STAG1: variants seen among roughly 807,000 people sequenced by gnomAD.
STAG1 encodes cohesin subunit SA-1.
STAG1 carries 26 observed loss-of-function variants against 170.9 expected under a neutral mutation model. The ratio of observed to expected loss-of-function variants is 0.15; its 90% confidence interval spans 0.11 to 0.21. The LOEUF (loss-of-function observed/expected upper bound fraction) is 0.21, where lower values mean the gene tolerates loss of function less well. Ranked by LOEUF, STAG1 falls within the 10% of genes least tolerant of loss-of-function variation. The pLI, the probability that STAG1 is intolerant of heterozygous loss-of-function variation, is 1.00. For missense variants in STAG1, 964 were observed against 1,509.5 expected (o/e 0.64, Z 5.99); for synonymous variants, 514 against 497.7 (o/e 1.03, Z -0.44).
intron 5 of STAG1, among the ~76,000 whole-genome samples, chr3:136,542,736 T>C (rs1019284934): frequency 2.7e-5 from 4 of 150,066 alleles, no homozygotes. Context: ...AATAAAAAGG[T>C]GATATTAATG....
At chr3:136,749,398 G>A (rs1039586362) in intron 1 of STAG1, among the ~76,000 whole-genome samples, 1 of 152,118 alleles carries the variant, frequency 6.6e-6, no homozygotes, top group Admixed American at 6.6e-5. Context: ...AAGAAGATGG[G>A]GACTTCAGTC....
rs117572858 is a variant in STAG1 at position 136,543,698 on chromosome 3, A to G, written c.395-1503T>C. Reference sequence around the variant, plus strand: ...AGGATTTCTAATCTTTTAAGTGGTGATAATATCACTGCAGAGCAGAGAGCC... The same window carrying G: ...AGGATTTCTAATCTTTTAAGTGGTGGTAATATCACTGCAGAGCAGAGAGCC... On this transcript the variant is annotated intron_variant, in intron 5 of 33. Coordinates refer to ENST00000383202, the MANE Select transcript of STAG1 (RefSeq NM_005862.3). 3.3e-3 allele frequency among the ~76,000 whole-genome samples: 510 copies of G among 152,324 alleles called. 8 individuals are homozygous for G. The East Asian group carries it at 0.047, about 14-fold the overall frequency.
chr3:136,571,610 C>T (rs188599804), intron 4 of STAG1, among the ~76,000 whole-genome samples: 2 of 152,214 alleles, frequency 1.3e-5, no homozygotes, highest in African/African-American at 4.8e-5. Context: ...TGACTTGCAC[C>T]TGTAATTCCA....
At chr3:136,678,850 C>CAAAA (rs559610524) in intron 1 of STAG1, among the ~76,000 whole-genome samples, 7 of 35,288 alleles carry the variant, frequency 2.0e-4, no homozygotes, top group African/African-American at 6.1e-4. Flanking sequence ...CCCATGCTCA[C>CAAAA]AAAAAAAAAA....
At chr3:136,626,684 T>C (rs919604126) in intron 2 of STAG1, among the ~76,000 whole-genome samples, 1 of 152,204 alleles carries the variant, frequency 6.6e-6, no homozygotes, top group African/African-American at 2.4e-5. Context: ...TACTGCTTTT[T>C]CTCCTCACTA....
chr3:136,409,151 C>T (rs1416094529), intron 21 of STAG1, among the ~76,000 whole-genome samples: 1 of 151,980 alleles, frequency 6.6e-6, no homozygotes, highest in African/African-American at 2.4e-5. Flanking sequence ...GTAGTTCCAG[C>T]TACTCGGGAG....
chr3:136,597,489 T>TATG (rs1938482599), intron 4 of STAG1, among the ~76,000 whole-genome samples: 1 of 152,228 alleles, frequency 6.6e-6, no homozygotes, highest in Admixed American at 6.5e-5. Flanking sequence ...AATTACTCAA[T>TATG]ATGATGGGTT....
intron 4 of STAG1, chr3:136,586,841 G>A: frequency 2.2e-6 from 1 of 456,658 alleles, no homozygotes; most frequent in Non-Finnish European, 4.4e-6. Context: ...AATGTAAATA[G>A]AGGGGCCAAA....
intron 22 of STAG1, among the ~76,000 whole-genome samples, chr3:136,392,283 T>C (rs1485479546): frequency 6.6e-6 from 1 of 151,890 alleles, no homozygotes; most frequent in Non-Finnish European, 1.5e-5. Flanking sequence ...TAAACCCAAA[T>C]ATCTAAGAGC....
chr3:136,388,399 C>G (rs1201979085), intron 22 of STAG1, among the ~76,000 whole-genome samples: 1 of 152,116 alleles, frequency 6.6e-6, no homozygotes, highest in East Asian at 1.9e-4. Flanking sequence ...GATGGAGTCT[C>G]GCTCTGTTGC....
intron 7 of STAG1, among the ~76,000 whole-genome samples, chr3:136,518,995 C>A (rs1934522732): frequency 6.6e-6 from 1 of 151,388 alleles, no homozygotes; most frequent in African/African-American, 2.4e-5. Flanking sequence ...TGGAGATAAC[C>A]AAAGGGATAA....
chr3:136,631,027 A>G, intron 1 of STAG1, 46 bp from the exon 2 acceptor site: 1 of 912,592 alleles, frequency 1.1e-6, no homozygotes, highest in South Asian at 1.9e-5. Context: ...AATGAGGATG[A>G]CAAAATTCAT....
chr3:136,347,873 G>T (rs1323730330), intron 29 of STAG1, among the ~76,000 whole-genome samples: 1 of 152,156 alleles, frequency 6.6e-6, no homozygotes, highest in African/African-American at 2.4e-5. Context: ...TTTGATGAAT[G>T]ATTTAAACTT....
intron 20 of STAG1, among the ~76,000 whole-genome samples, chr3:136,418,209 A>C (rs2087829641): frequency 6.6e-6 from 1 of 151,488 alleles, no homozygotes; most frequent in African/African-American, 2.4e-5. Flanking sequence ...CACACAAAAA[A>C]ATTAGCTGGG....
intron 21 of STAG1, among the ~76,000 whole-genome samples, chr3:136,408,828 T>C (rs2087552296): frequency 6.6e-6 from 1 of 152,114 alleles, no homozygotes; most frequent in South Asian, 2.1e-4. Flanking sequence ...AAAAAATGGA[T>C]AGAAGAATAC....
At chr3:136,671,299 G>GCA (rs146540384) in intron 1 of STAG1, among the ~76,000 whole-genome samples, 78 of 151,498 alleles carry the variant, frequency 5.1e-4, no homozygotes, top group East Asian at 2.7e-3. Flanking sequence ...TAAAAAGAAA[G>GCA]CACACACACA....
intron 3 of STAG1, among the ~76,000 whole-genome samples, chr3:136,607,663 A>G (rs1382813473): frequency 6.6e-6 from 1 of 152,232 alleles, no homozygotes; most frequent in Non-Finnish European, 1.5e-5. Context: ...TCGGTCTCCC[A>G]AAGTGCTAGG....
At chr3:136,441,928 T>C (rs1401204321) in intron 15 of STAG1, among the ~76,000 whole-genome samples, 1 of 152,202 alleles carries the variant, frequency 6.6e-6, no homozygotes, top group Non-Finnish European at 1.5e-5. Context: ...CCAGATGCGG[T>C]GGCTCACGCC....
intron 1 of STAG1, among the ~76,000 whole-genome samples, chr3:136,676,084 T>A (rs895853030): frequency 6.6e-5 from 10 of 152,230 alleles, no homozygotes; most frequent in African/African-American, 2.4e-4. Flanking sequence ...TAGTAAGCCA[T>A]TTGTGTATCT....
Sources: allele counts gnomAD v4.1 joint callset (sites outside exome capture counted in the v4.1 genomes callset), GRCh38; gene constraint gnomAD v4.1.1; transcripts MANE v1.5; gene names NCBI Gene and HGNC (gene_info 2026-07-23, HGNC 2026-07-21).